Variants in UPRT observed in about 807,000 individuals in gnomAD.
UPRT encodes RP11-311P8.3.
Under a neutral mutation model 22.6 loss-of-function variants are expected in UPRT, and 5 were observed. That is an observed-to-expected ratio of 0.22 (90% CI 0.12 to 0.47). The LOEUF (loss-of-function observed/expected upper bound fraction) is 0.47, where lower values mean the gene tolerates loss of function less well. Ranked by LOEUF, UPRT falls within the 20% of genes least tolerant of loss-of-function variation. The pLI is 0.99. For missense variants in UPRT, 181 were observed against 239.9 expected (o/e 0.75, Z 1.62); for synonymous variants, 77 against 87.7 (o/e 0.88, Z 0.68).
chrX:75,234,643 C>T (rs1323143957), intron 4 of UPRT, among the ~76,000 whole-genome samples: 2 of 111,012 alleles, frequency 1.8e-5, no homozygotes, highest in African/African-American at 6.6e-5. Flanking sequence ...CACTCAAAAC[C>T]ACTCAACTAC....
At chrX:75,245,227 T>C (rs1344789696) in intron 4 of UPRT, among the ~76,000 whole-genome samples, 1 of 99,966 alleles carries the variant, frequency 1.0e-5, no homozygotes, top group East Asian at 3.1e-4. Context: ...CATAATGGGA[T>C]ACCATGTCAC....
chrX:75,224,150 A>T (rs2082417475), intron 4 of UPRT, among the ~76,000 whole-genome samples: 1 of 111,604 alleles, frequency 9.0e-6, no homozygotes, highest in Admixed American at 9.6e-5. Context: ...CACTGTCATT[A>T]TATCTCCTTT....
chrX:75,162,500 G>A (rs2082203002), intron 2 of UPRT, among the ~76,000 whole-genome samples: 1 of 93,623 alleles, frequency 1.1e-5, no homozygotes, highest in South Asian at 6.1e-4. Context: ...AAAAGATGTT[G>A]AAGTGGGGTG....
At chrX:75,203,516 TCACACACA>T (rs368566812) in intron 4 of UPRT, among the ~76,000 whole-genome samples, 2 of 64,609 alleles carry the variant, frequency 3.1e-5, no homozygotes, top group African/African-American at 5.9e-5. Flanking sequence ...ACACACACAC[TCACACACA>T]CACACACACA....
At chrX:75,221,948 G>T (rs1461755414) in intron 4 of UPRT, among the ~76,000 whole-genome samples, 1 of 111,501 alleles carries the variant, frequency 9.0e-6, no homozygotes, top group Non-Finnish European at 1.9e-5. Context: ...GGGCTTGTTT[G>T]TACCTGTCCT....
At chrX:75,245,781 G>A (rs1217039041) in intron 4 of UPRT, among the ~76,000 whole-genome samples, 1 of 110,982 alleles carries the variant, frequency 9.0e-6, no homozygotes, top group African/African-American at 3.3e-5. Context: ...ATAGACATGG[G>A]GGCCTACTTG....
chrX:75,298,355 A>G (rs943889385), intron 4 of UPRT, among the ~76,000 whole-genome samples: 3 of 110,739 alleles, frequency 2.7e-5, no homozygotes, highest in Non-Finnish European at 3.8e-5. Flanking sequence ...CTTGACTGTC[A>G]TTAATTCTAG....
At chrX:75,275,264 C>T (rs2082626869) in intron 1 of UPRT, among the ~76,000 whole-genome samples, 2 of 111,443 alleles carry the variant, frequency 1.8e-5, no homozygotes, top group African/African-American at 6.5e-5. Context: ...AGCCTTTGGC[C>T]CTTCCTAATC....
intron 2 of UPRT, among the ~76,000 whole-genome samples, chrX:75,296,032 C>T (rs1312660941): frequency 1.8e-5 from 2 of 111,829 alleles, no homozygotes; most frequent in Non-Finnish European, 3.8e-5. Context: ...GAGTGCTTGC[C>T]ATGACTGTTG....
rs767202728 is a variant in UPRT at position 75,279,368 on chromosome X, G to A, written c.386+4728G>A. Among the ~76,000 whole-genome samples, 121 of 110,827 alleles carry A rather than the reference G, an allele frequency of 1.1e-3. 1 individual carries two copies. The highest frequency in any genetic ancestry group is 3.7e-3 in the African/African-American group (112 of 30,466). ...TATTTTCGGTTTTTGTGTGTTTCCC[G>A]TGTGAGTCCTCTGACTTTTAGAGCA... On this transcript the variant is annotated intron_variant, in intron 1 of 6. Transcript: ENST00000373383.
upstream of UPRT, among the ~76,000 whole-genome samples, chrX:75,272,312 G>GTATATA (rs1555975266): frequency 1.7e-3 from 19 of 10,975 alleles, no homozygotes; most frequent in East Asian, 0.11. Flanking sequence ...ATATATATGT[G>GTATATA]TATATATACA....
chrX:75,216,815 C>T (rs1287795026), intron 4 of UPRT, among the ~76,000 whole-genome samples: 2 of 112,240 alleles, frequency 1.8e-5, no homozygotes, highest in African/African-American at 3.2e-5. Flanking sequence ...AGTGCAGCGG[C>T]GCAATCTCGG....
intron 4 of UPRT, among the ~76,000 whole-genome samples, chrX:75,173,488 A>G (rs1321862901): frequency 1.8e-5 from 2 of 112,385 alleles, no homozygotes; most frequent in Non-Finnish European, 3.8e-5. Flanking sequence ...AGCTAGATAT[A>G]AAGACTCTCC....
intron 4 of UPRT, among the ~76,000 whole-genome samples, chrX:75,231,624 G>T (rs1156790879): frequency 9.0e-6 from 1 of 111,609 alleles, no homozygotes; most frequent in East Asian, 2.8e-4. Context: ...ATTGCAAAAA[G>T]ATCATCACCT....
intron 4 of UPRT, among the ~76,000 whole-genome samples, chrX:75,246,293 C>A (rs1368796542): frequency 3.2e-5 from 3 of 92,476 alleles, no homozygotes; most frequent in Admixed American, 1.3e-4. Context: ...TGTGATGTTC[C>A]CCTTCCTGTG....
At chrX:75,291,265 G>GT (rs1411787321) in intron 1 of UPRT, 2 of 220,595 alleles carry the variant, frequency 9.1e-6, no homozygotes, top group Admixed American at 1.3e-4. Flanking sequence ...TTGATATTTG[G>GT]TTTTTTAGAT....
At chrX:75,261,015 A>C (rs1012073741) in intron 4 of UPRT, among the ~76,000 whole-genome samples, 7 of 112,215 alleles carry the variant, frequency 6.2e-5, no homozygotes, top group Non-Finnish European at 1.3e-4. Flanking sequence ...TGGTTAAATA[A>C]CGAAATGAAA....
At chrX:75,245,818 G>C (rs780679882) in intron 4 of UPRT, among the ~76,000 whole-genome samples, 1 of 111,167 alleles carries the variant, frequency 9.0e-6, no homozygotes, top group East Asian at 2.8e-4. Flanking sequence ...GGAGGGTGAG[G>C]ATAAAAAAAC....
At chrX:75,235,236 G>T (rs1228972708) in intron 4 of UPRT, among the ~76,000 whole-genome samples, 2 of 111,579 alleles carry the variant, frequency 1.8e-5, no homozygotes, top group Admixed American at 9.5e-5. Flanking sequence ...GACTAAACCA[G>T]GAAGAAGTTG....
Sources: gnomAD v4.1 joint callset for allele counts (sites outside exome capture counted in the v4.1 genomes callset) on GRCh38, gnomAD v4.1.1 for gene constraint, MANE v1.5 for transcripts, NCBI Gene and HGNC (gene_info 2026-07-23, HGNC 2026-07-21) for gene names.